Variants in SPI1 observed in about 807,000 individuals in gnomAD.
The protein encoded by SPI1 is transcription factor PU.1.
Under a neutral mutation model 30.7 loss-of-function variants are expected in SPI1, and 3 were observed. That is an observed-to-expected ratio of 0.10 (90% CI 0.04 to 0.25). SPI1 has a LOEUF of 0.25. Among genes scored for constraint, SPI1 ranks in the 10% least tolerant of loss-of-function variants. The pLI is 1.00. For missense variants in SPI1, 261 were observed against 371.5 expected (o/e 0.70, Z 2.45); for synonymous variants, 169 against 157.1 (o/e 1.08, Z -0.56).
chr11:47,358,066 CCTG>C (rs1477909077), intron 4 of SPI1: 3 of 171,712 alleles, frequency 1.7e-5, no homozygotes, highest in Non-Finnish European at 3.8e-5. Flanking sequence ...CATGCACAGA[CCTG>C]CTCACATATA....
Position 47,354,883 on chromosome 11 carries a change from T to G in SPI1, c.*344A>C. ...GATGGATTGAGAATAACTTTACTTGTTTTTTGGGAGGAGGTTAATGGGTGG... is the reference window on the plus strand; with the variant it reads ...GATGGATTGAGAATAACTTTACTTGGTTTTTGGGAGGAGGTTAATGGGTGG... On this transcript the variant is annotated 3_prime_UTR_variant, in exon 5 of 5. Coordinates refer to ENST00000378538, the MANE Select transcript of SPI1 (RefSeq NM_003120.3). The G allele has an allele frequency of 4.7e-6, 1 of 214,736 alleles. No individual in the cohort carries two copies. 13.3% of individuals were successfully genotyped at this position (214,736 alleles called of 1,614,324 possible). A position where few individuals can be genotyped will look rare whatever the true frequency, so the allele number is the denominator to read the frequency against.
intron 1 of SPI1, among the ~76,000 whole-genome samples, chr11:47,377,376 C>T (rs904161596): frequency 1.3e-5 from 2 of 152,130 alleles, no homozygotes; most frequent in Non-Finnish European, 2.9e-5. Flanking sequence ...CCTCAAGCCT[C>T]CTCACTCCTG....
rs558205264 is a variant in SPI1 at position 47,375,384 on chromosome 11, G to A, written c.142+249C>T. Among the ~76,000 whole-genome samples the A allele has an allele frequency of 1.4e-4, 21 of 152,310 alleles. No homozygotes were observed. In the South Asian group the frequency reaches 4.1e-3, roughly 30 times the overall value. On this transcript the variant is annotated intron_variant, in intron 2 of 4. Transcript: ENST00000378538. The surrounding 1 kb of genome is among the most constrained non-coding windows in gnomAD (Gnocchi z 4.2). ...TCCTTGTTTATAAAGAAGACCACAA[G>A]GACAGAACCAGCAGATAACCATGGA...
Position 47,354,956 on chromosome 11 carries a change from A to C in SPI1, c.*271T>G. On this transcript the variant is annotated 3_prime_UTR_variant, in exon 5 of 5. Coordinates refer to ENST00000378538, the MANE Select transcript of SPI1 (RefSeq NM_003120.3). ...ATTTACATACGGACTTGAGACTCCCAAGGCAGTACCCCGGGTCGTCCTCTG... is the reference window on the plus strand; with the variant it reads ...ATTTACATACGGACTTGAGACTCCCCAGGCAGTACCCCGGGTCGTCCTCTG... 1 of 313,822 alleles carries C rather than the reference A, an allele frequency of 3.2e-6. No individual in the cohort carries two copies. The allele number at this position is 313,822 out of a possible 1,614,324, so 19.4% of individuals were successfully genotyped here. A position where few individuals can be genotyped will look rare whatever the true frequency, so the allele number is the denominator to read the frequency against.
intron 2 of SPI1, among the ~76,000 whole-genome samples, chr11:47,366,139 C>T (rs966177657): frequency 1.3e-5 from 2 of 152,168 alleles, no homozygotes; most frequent in Admixed American, 6.6e-5. Flanking sequence ...CATCATGGAA[C>T]CATTATCCAT....
At chr11:47,376,818 G>A (rs763515798) in intron 1 of SPI1, among the ~76,000 whole-genome samples, 11 of 152,246 alleles carry the variant, frequency 7.2e-5, no homozygotes, top group South Asian at 2.1e-4. Flanking sequence ...TTGGGGGACC[G>A]GGGCTGCCTT....
intron 2 of SPI1, among the ~76,000 whole-genome samples, chr11:47,364,231 T>C (rs1346418070): frequency 1.3e-5 from 2 of 151,802 alleles, no homozygotes; most frequent in Non-Finnish European, 2.9e-5. Flanking sequence ...TTCTATTTTT[T>C]AGTAGAGACG....
chr11:47,365,520 A>T (rs1350696533), intron 2 of SPI1, among the ~76,000 whole-genome samples: 1 of 152,164 alleles, frequency 6.6e-6, no homozygotes, highest in East Asian at 1.9e-4. Flanking sequence ...TTTGCATAGG[A>T]GGAATCTATG....
rs548151924 is a variant in SPI1 at position 47,374,336 on chromosome 11, C to T, written c.142+1297G>A. Among the ~76,000 whole-genome samples the T allele has an allele frequency of 1.6e-3, 242 of 152,318 alleles. 1 individual carries two copies. The highest frequency in any genetic ancestry group is 5.6e-3 in the African/African-American group (231 of 41,576). ...AAAGGATATTTTAAAGGCTTTCTAG[C>T]CCTGAAAGATTCTAAAAGATGCCTG... On this transcript the variant is annotated intron_variant, in intron 2 of 4. Transcript: ENST00000378538. This position sits in a 1 kb window ranked among gnomAD's most constrained non-coding sequence, Gnocchi z 4.5.
chr11:47,357,546 GCT>G (rs1251467498), intron 4 of SPI1, among the ~76,000 whole-genome samples: 1 of 150,564 alleles, frequency 6.6e-6, no homozygotes, highest in Non-Finnish European at 1.5e-5. Flanking sequence ...ACACACACCT[GCT>G]CTCACACTCA....
chr11:47,358,537 C>A, intron 4 of SPI1: 1 of 689,752 alleles, frequency 1.4e-6, no homozygotes, highest in Non-Finnish European at 2.7e-6. Context: ...CATGCACCTG[C>A]CCGTACCTGT....
chr11:47,364,576 C>T (rs1248636879), intron 2 of SPI1, among the ~76,000 whole-genome samples: 3 of 152,138 alleles, frequency 2.0e-5, no homozygotes, highest in Admixed American at 2.0e-4. Flanking sequence ...TGCCATCAAA[C>T]CCCCATCCTT....
chr11:47,363,896 G>A (rs962420465), intron 2 of SPI1, among the ~76,000 whole-genome samples: 35 of 147,938 alleles, frequency 2.4e-4, no homozygotes, highest in African/African-American at 8.7e-4. Flanking sequence ...TAGGGAGGTG[G>A]AGGTTGTGGT....
intron 4 of SPI1, chr11:47,358,602 T>G (rs1168124771): frequency 5.7e-6 from 4 of 704,220 alleles, no homozygotes; most frequent in Non-Finnish European, 1.0e-5. Context: ...CACACACTCA[T>G]GGCACAGAGA....
chr11:47,355,572 G>C (rs750758350), intron 4 of SPI1, 26 bp from the exon 5 acceptor site: 2 of 1,536,612 alleles, frequency 1.3e-6, no homozygotes, highest in African/African-American at 1.4e-5. Flanking sequence ...CCCGGTGGGA[G>C]GGGGCCCGGG....
intron 2 of SPI1, among the ~76,000 whole-genome samples, chr11:47,361,906 CTTTTAG>C (rs10603446): frequency 0.68 from 103,076 of 151,252 alleles, 35,195 homozygotes; most frequent in African/African-American, 0.74. Context: ...GTCAGAAATG[CTTTTAG>C]ACCTGGGTAG....
In SPI1 at chr11:47,355,553, G is replaced by C. The variant is rs200099249; in HGVS notation, c.494-7C>G. On this transcript the variant is annotated splice_region_variant and splice_polypyrimidine_tract_variant and intron_variant, in intron 4 of 4. Coordinates refer to ENST00000378538, the MANE Select transcript of SPI1 (RefSeq NM_003120.3). ...CGGATCTTCTTCTTGCTGCCTGCGG[G>C]GGGGAGGGCCCGGTGGGAGGGGGCC... 2.3e-5 allele frequency: 36 copies of C among 1,564,136 alleles called. No individual in the cohort carries two copies. The Middle Eastern group carries it at 5.1e-4, about 22-fold the overall frequency.
chr11:47,359,375 G>C lies in SPI1; in HGVS notation c.331-369C>G, dbSNP rs998228678. Among the ~76,000 whole-genome samples, 19 of 152,128 alleles carry C rather than the reference G, an allele frequency of 1.2e-4. No individual in the cohort carries two copies. The highest frequency in any genetic ancestry group is 4.6e-4 in the African/African-American group (19 of 41,418). The stretch of plus-strand genomic sequence containing the variant: ...GGGACCGGTGCGTTGGGTCTGGAAG[G>C]GGGTTTCATAGGTGGGATGATGAGT... On this transcript the variant is annotated intron_variant, in intron 3 of 4. Transcript: ENST00000378538. The surrounding 1 kb of genome is among the most constrained non-coding windows in gnomAD (Gnocchi z 5.1).
intron 2 of SPI1, among the ~76,000 whole-genome samples, chr11:47,373,414 G>A (rs77349187): frequency 2.6e-5 from 4 of 151,982 alleles, no homozygotes; most frequent in East Asian, 1.9e-4. Context: ...TTGGGAGGCC[G>A]AGGCAAGTGG....
Sources: allele counts gnomAD v4.1 joint callset (sites outside exome capture counted in the v4.1 genomes callset), GRCh38; gene constraint gnomAD v4.1.1; non-coding constraint Gnocchi (gnomAD v3.1); transcripts MANE v1.5; gene names NCBI Gene and HGNC (gene_info 2026-07-23, HGNC 2026-07-21).